The following RBFOX1 variants were observed in gnomAD, a reference collection of about 807,000 sequenced individuals.
RBFOX1 encodes RNA binding fox-1 homolog 1.
In RBFOX1, 8 loss-of-function variants were observed where a neutral mutation model predicts 57.7. That is an observed-to-expected ratio of 0.14 (90% CI 0.08 to 0.25). RBFOX1 has a LOEUF of 0.25. RBFOX1 is among the 10% of genes least tolerant of loss of function. The pLI is 1.00. For synonymous variants in RBFOX1, 326 were observed against 222.4 expected (o/e 1.47, Z -4.15); for missense variants, 611 against 548.5 (o/e 1.11, Z -1.14).
Position 6,376,714 on chromosome 16 carries a change from C to T in RBFOX1, c.-64+59657C>T, listed in dbSNP as rs571466172. Among the ~76,000 whole-genome samples the T allele has an allele frequency of 4.6e-5, 7 of 152,284 alleles. No homozygotes were observed. The East Asian group carries it at 9.6e-4, about 21-fold the overall frequency. On this transcript the variant is annotated intron_variant, in intron 2 of 15. Transcript: ENST00000550418. ...CTTCCTAGATTGCAGTAAGAAGTAT[C>T]AGAAGCTCAGTGGCCTAAAACTACA...
intron 4 of RBFOX1, among the ~76,000 whole-genome samples, chr16:6,001,824 A>G (rs990796775): frequency 7.9e-5 from 12 of 152,286 alleles, no homozygotes; most frequent in South Asian, 2.1e-4. Context: ...AAACACTGCA[A>G]TAAGCCAAAC....
intron 4 of RBFOX1, among the ~76,000 whole-genome samples, chr16:7,136,480 C>T (rs970375237): frequency 2.8e-5 from 4 of 144,592 alleles, no homozygotes; most frequent in Non-Finnish European, 5.9e-5. Flanking sequence ...AATGATGGTG[C>T]AATACAGCCT....
chr16:6,070,827 C>G (rs960781646), intron 1 of RBFOX1, among the ~76,000 whole-genome samples: 1 of 151,132 alleles, frequency 6.6e-6, no homozygotes, highest in Non-Finnish European at 1.5e-5. Context: ...GCCCCCCCCA[C>G]ACACACATTT....
At chr16:5,379,932 CGCTTGGGGCGTTGGAGGAATCATCCCGG>C (rs1228915264) in intron 1 of RBFOX1, among the ~76,000 whole-genome samples, 4 of 152,156 alleles carry the variant, frequency 2.6e-5, no homozygotes, top group Non-Finnish European at 5.9e-5. Flanking sequence ...TGGAGAGAAG[CGCTTGGGGCGTTGGAGGAATCATCCCGG>C]GCAGGTGCCC....
At chr16:6,165,195 G>A (rs1304214772) in intron 1 of RBFOX1, among the ~76,000 whole-genome samples, 1 of 152,124 alleles carries the variant, frequency 6.6e-6, no homozygotes, top group African/African-American at 2.4e-5. Flanking sequence ...AGATTACCCT[G>A]TAGACGGAAC....
At chr16:7,125,144 A>T (rs138199860) in intron 4 of RBFOX1, among the ~76,000 whole-genome samples, 151 of 152,308 alleles carry the variant, frequency 9.9e-4, no homozygotes, top group African/African-American at 3.4e-3. Context: ...TTGGGAAGAA[A>T]GAGGTAACAC....
chr16:6,945,538 C>G (rs1379269524), intron 3 of RBFOX1, among the ~76,000 whole-genome samples: 2 of 152,062 alleles, frequency 1.3e-5, no homozygotes, highest in East Asian at 3.9e-4. Context: ...CATGTAAAGC[C>G]ACATCTGTGA....
At chr16:6,034,210 CTG>C (rs1441252875) in intron 1 of RBFOX1, among the ~76,000 whole-genome samples, 1 of 150,998 alleles carries the variant, frequency 6.6e-6, no homozygotes, top group African/African-American at 2.4e-5. Context: ...TGGTGGGTGC[CTG>C]TAATCCCAGC....
chr16:6,171,296 T>A (rs1005120736), intron 1 of RBFOX1, among the ~76,000 whole-genome samples: 4 of 152,220 alleles, frequency 2.6e-5, no homozygotes, highest in African/African-American at 9.6e-5. Context: ...TTCAAGGTTT[T>A]GTAGTCCAGC....
chr16:6,884,283 G>A (rs951360275), intron 3 of RBFOX1, among the ~76,000 whole-genome samples: 1 of 152,100 alleles, frequency 6.6e-6, no homozygotes. Flanking sequence ...CCAAACTCTG[G>A]GTACTGTGAA....
At chr16:6,850,117 C>G (rs954289587) in intron 3 of RBFOX1, among the ~76,000 whole-genome samples, 1 of 152,154 alleles carries the variant, frequency 6.6e-6, no homozygotes, top group African/African-American at 2.4e-5. Flanking sequence ...TTCTTGGATT[C>G]TAAAGTAAAC....
At chr16:7,313,391 A>T (rs895297343) in intron 4 of RBFOX1, among the ~76,000 whole-genome samples, 9 of 151,824 alleles carry the variant, frequency 5.9e-5, no homozygotes, top group African/African-American at 2.2e-4. Flanking sequence ...GGGGGTCTCC[A>T]TTTAGAGTAC....
chr16:6,187,267 G>A lies in RBFOX1; in HGVS notation c.-126-129728G>A, dbSNP rs115676158. Among the ~76,000 whole-genome samples the A allele has an allele frequency of 9.7e-4, 148 of 152,128 alleles. 2 individuals carry two copies. In the East Asian group the frequency reaches 0.024, roughly 25 times the overall value. Reference sequence around the variant, plus strand: ...TTCTAGGGAAGTGAGTTGGGATGACGATCGATGTTTTCTTGGAGAGATGCT... The same window carrying A: ...TTCTAGGGAAGTGAGTTGGGATGACAATCGATGTTTTCTTGGAGAGATGCT... On this transcript the variant is annotated intron_variant, in intron 1 of 15. Transcript: ENST00000550418.
chr16:6,440,412 G>A (rs2094351793), intron 2 of RBFOX1, among the ~76,000 whole-genome samples: 1 of 152,132 alleles, frequency 6.6e-6, no homozygotes, highest in Admixed American at 6.5e-5. Context: ...TTTGTCCAGG[G>A]GAATCTGGGT....
chr16:5,653,574 G>C (rs1327223415), intron 3 of RBFOX1, among the ~76,000 whole-genome samples: 1 of 152,162 alleles, frequency 6.6e-6, no homozygotes, highest in Admixed American at 6.5e-5. Flanking sequence ...CGGGCCTGGG[G>C]TGATTGCCTC....
At chr16:5,263,752 G>A (rs1422776709) in intron 1 of RBFOX1, among the ~76,000 whole-genome samples, 1 of 152,132 alleles carries the variant, frequency 6.6e-6, no homozygotes, top group Non-Finnish European at 1.5e-5. Flanking sequence ...ACTCTGAGTG[G>A]GCTCTGAAAC....
intron 4 of RBFOX1, among the ~76,000 whole-genome samples, chr16:5,978,964 C>T (rs747709454): frequency 2.0e-5 from 3 of 152,188 alleles, no homozygotes; most frequent in Non-Finnish European, 4.4e-5. Context: ...ATGCTGTATT[C>T]TTTGTTACTA....
chr16:6,760,827 A>G (rs1258535379), intron 3 of RBFOX1, among the ~76,000 whole-genome samples: 1 of 152,146 alleles, frequency 6.6e-6, no homozygotes, highest in Non-Finnish European at 1.5e-5. Context: ...ACCAACACCA[A>G]CAGTGTGTGG....
At chr16:6,337,323 A>G (rs1265565284) in intron 2 of RBFOX1, among the ~76,000 whole-genome samples, 4 of 152,192 alleles carry the variant, frequency 2.6e-5, no homozygotes, top group African/African-American at 9.7e-5. Context: ...CCGTCCCAAC[A>G]GGGATGGCTT....
Sources: gnomAD v4.1 joint callset for allele counts (sites outside exome capture counted in the v4.1 genomes callset) on GRCh38, gnomAD v4.1.1 for gene constraint, MANE v1.5 for transcripts, NCBI Gene and HGNC (gene_info 2026-07-23, HGNC 2026-07-21) for gene names.